POFUT3: variants seen among roughly 807,000 people sequenced by gnomAD.
POFUT3 encodes protein O-fucosyltransferase 3, also known as GDP-fucose protein O-fucosyltransferase 3.
the POFUT3 span, among the ~76,000 whole-genome samples, chr8:33,403,507 G>A: frequency 1.3e-5 from 2 of 152,082 alleles, no homozygotes; most frequent in African/African-American, 4.8e-5. Flanking sequence ...TTTGAGGCCA[G>A]AAGTTCAAGA....
At chr8:33,389,257 G>GT in the POFUT3 span, 1 of 1,614,080 alleles carries the variant, frequency 6.2e-7, no homozygotes, top group East Asian at 2.2e-5. Context: ...TGGGGGATCC[G>GT]TAATATACAG....
the POFUT3 span, among the ~76,000 whole-genome samples, chr8:33,356,019 GCATAGTATTCCATGGTGTATATGTGCCA>G: frequency 1.3e-5 from 2 of 152,014 alleles, no homozygotes; most frequent in Non-Finnish European, 2.9e-5. Context: ...TTTTATGGCT[GCATAGTATTCCATGGTGTATATGTGCCA>G]CATTTTCTTA....
At chr8:33,437,709 G>C in the POFUT3 span, among the ~76,000 whole-genome samples, 2 of 152,146 alleles carry the variant, frequency 1.3e-5, no homozygotes, top group Admixed American at 1.3e-4. Context: ...TACTTGGGAG[G>C]CTGAGGCAGG....
the POFUT3 span, among the ~76,000 whole-genome samples, chr8:33,354,389 C>G: frequency 6.6e-6 from 1 of 152,058 alleles, no homozygotes; most frequent in African/African-American, 2.4e-5. Flanking sequence ...GATGTAAGCC[C>G]CGGTTTGAGT....
chr8:33,422,898 G>A, the POFUT3 span, among the ~76,000 whole-genome samples: 10 of 151,864 alleles, frequency 6.6e-5, no homozygotes, highest in East Asian at 1.4e-3. Context: ...TTCAACCTCC[G>A]CCTCCCAGGC....
chr8:33,427,505 G>A, the POFUT3 span, among the ~76,000 whole-genome samples: 1 of 152,018 alleles, frequency 6.6e-6, no homozygotes, highest in Non-Finnish European at 1.5e-5. Context: ...CTTGAATCCA[G>A]GAGGCAGAGG....
the POFUT3 span, among the ~76,000 whole-genome samples, chr8:33,344,209 A>G: frequency 3.9e-5 from 6 of 152,224 alleles, no homozygotes; most frequent in African/African-American, 1.4e-4. Flanking sequence ...CTCCTATTTA[A>G]AAAAATGTCA....
the POFUT3 span, among the ~76,000 whole-genome samples, chr8:33,407,589 A>T: frequency 6.6e-5 from 10 of 151,932 alleles, no homozygotes; most frequent in South Asian, 4.2e-4. Context: ...GTTAAAAAAA[A>T]TTTTTTATCT....
At chr8:33,450,773 T>C in the POFUT3 span, among the ~76,000 whole-genome samples, 3 of 152,268 alleles carry the variant, frequency 2.0e-5, no homozygotes, top group South Asian at 2.1e-4. Flanking sequence ...TGGAATTTGG[T>C]TGGAGATTAA....
the POFUT3 span, among the ~76,000 whole-genome samples, chr8:33,425,661 C>A: frequency 5.3e-5 from 8 of 151,996 alleles, no homozygotes; most frequent in African/African-American, 1.9e-4. Flanking sequence ...GTGCCTCATG[C>A]TTGTAATCCT....
the POFUT3 span, among the ~76,000 whole-genome samples, chr8:33,375,605 TATA>T: frequency 6.6e-6 from 1 of 152,084 alleles, no homozygotes; most frequent in African/African-American, 2.4e-5. Flanking sequence ...CAAAAAACTG[TATA>T]TGTAAGGGGG....
the POFUT3 span, among the ~76,000 whole-genome samples, chr8:33,439,773 A>G: frequency 1.3e-5 from 2 of 152,140 alleles, no homozygotes; most frequent in Admixed American, 1.3e-4. Context: ...AGGCTGAGGC[A>G]GGAGAACTGC....
the POFUT3 span, among the ~76,000 whole-genome samples, chr8:33,408,311 T>TA: frequency 9.7e-3 from 1,342 of 138,794 alleles, 11 homozygotes; most frequent in Middle Eastern, 0.022. Context: ...CTCTGTCTCT[T>TA]AAAAAAAAAA....
At chr8:33,342,115 G>A in the POFUT3 span, among the ~76,000 whole-genome samples, 1 of 152,158 alleles carries the variant, frequency 6.6e-6, no homozygotes, top group African/African-American at 2.4e-5. Flanking sequence ...GGGAGGTGGA[G>A]GCTGCAGTGA....
the POFUT3 span, among the ~76,000 whole-genome samples, chr8:33,366,189 T>C: frequency 1.7e-4 from 26 of 152,228 alleles, no homozygotes; most frequent in African/African-American, 5.1e-4. Flanking sequence ...TTCTCACCCA[T>C]AGGTGGGAAT....
At chr8:33,455,072 T>C in the POFUT3 span, among the ~76,000 whole-genome samples, 1 of 152,198 alleles carries the variant, frequency 6.6e-6, no homozygotes, top group Non-Finnish European at 1.5e-5. Flanking sequence ...TTCTTTTTTA[T>C]TACAATTAAA....
the POFUT3 span, among the ~76,000 whole-genome samples, chr8:33,335,149 A>ATGTGTGTGTGTGTG: frequency 9.9e-5 from 11 of 110,622 alleles, no homozygotes; most frequent in Non-Finnish European, 1.8e-4. Context: ...AAAAAGAAAT[A>ATGTGTGTGTGTGTG]TATGTGTGTG....
the POFUT3 span, chr8:33,453,351 A>G: frequency 2.5e-6 from 4 of 1,614,200 alleles, no homozygotes; most frequent in East Asian, 2.2e-5. Context: ...ATAATGGGGT[A>G]GCTGTCCAAT....
At chr8:33,318,863 T>C in the POFUT3 span, among the ~76,000 whole-genome samples, 7 of 57,268 alleles carry the variant, frequency 1.2e-4, 1 homozygote, top group Non-Finnish European at 1.6e-4. Context: ...ATATATTTTA[T>C]ATATATTTTT....
Sources: allele counts gnomAD v4.1 joint callset (sites outside exome capture counted in the v4.1 genomes callset), GRCh38; gene constraint gnomAD v4.1.1; transcripts MANE v1.5; gene names NCBI Gene and HGNC (gene_info 2026-07-23, HGNC 2026-07-21).